The following ARMC9 variants were observed in gnomAD, a reference collection of about 807,000 sequenced individuals.
ARMC9 encodes lisH domain-containing protein ARMC9.
A neutral mutation model predicts 107.0 loss-of-function variants in ARMC9; 94 were observed. The observed-to-expected ratio is 0.88, with a 90% CI of 0.74 to 1.04. The LOEUF is 1.04. ARMC9 is among the 50% of genes least tolerant of loss of function. The pLI is 0.00. For synonymous variants in ARMC9, 380 were observed against 396.9 expected (o/e 0.96, Z 0.51); for missense variants, 942 against 1,030.1 (o/e 0.91, Z 1.17).
intron 23 of ARMC9, among the ~76,000 whole-genome samples, chr2:231,364,803 A>C (rs1216528630): frequency 6.6e-6 from 1 of 152,108 alleles, no homozygotes; most frequent in Non-Finnish European, 1.5e-5. Context: ...ATTTCAAAAA[A>C]AAAAAAGAAA....
chr2:231,317,979 A>G (rs1049489472), intron 19 of ARMC9, among the ~76,000 whole-genome samples: 1 of 150,048 alleles, frequency 6.7e-6, no homozygotes, highest in Non-Finnish European at 1.5e-5. Flanking sequence ...TTTCTACTAA[A>G]TCTAACATCT....
chr2:231,245,795 G>C (rs1482443462), intron 9 of ARMC9, among the ~76,000 whole-genome samples: 1 of 152,184 alleles, frequency 6.6e-6, no homozygotes, highest in African/African-American at 2.4e-5. Context: ...AAGAGCAGTT[G>C]AAAGTGCCTT....
intron 23 of ARMC9, among the ~76,000 whole-genome samples, chr2:231,367,785 C>A (rs958158756): frequency 4.6e-5 from 7 of 151,924 alleles, no homozygotes; most frequent in Non-Finnish European, 1.0e-4. Context: ...GAGTTTGAGA[C>A]CAGCCTGGCC....
chr2:231,234,058 A>C (rs2035490053), intron 7 of ARMC9, among the ~76,000 whole-genome samples: 1 of 152,216 alleles, frequency 6.6e-6, no homozygotes, highest in South Asian at 2.1e-4. Context: ...ATTTGAGCCC[A>C]GGTCTTTATA....
intron 20 of ARMC9, among the ~76,000 whole-genome samples, chr2:231,333,657 A>G (rs1273072077): frequency 6.6e-6 from 1 of 152,144 alleles, no homozygotes; most frequent in Non-Finnish European, 1.5e-5. Flanking sequence ...GATTGGTTTC[A>G]CAGGCAGGCG....
At chr2:231,228,964 C>G (rs1385662011) in intron 7 of ARMC9, among the ~76,000 whole-genome samples, 1 of 152,022 alleles carries the variant, frequency 6.6e-6, no homozygotes, top group East Asian at 1.9e-4. Flanking sequence ...TTTTGCAGAT[C>G]AAATAAACAT....
At position 231,360,637 on chromosome 2, in the gene ARMC9, C is replaced by G; in HGVS notation, c.2132-117C>G. ...CCCAAGCCACAGGCGCCAGGGAGCC[C>G]GCAGGGCCTGGCCTGGGGTGCGTGC... On this transcript the variant is annotated intron_variant, in intron 22 of 24. Coordinates refer to ENST00000611582, the MANE Select transcript of ARMC9 (RefSeq NM_001352754.2). The surrounding 1 kb of genome is among the most constrained non-coding windows in gnomAD (Gnocchi z 4.7). The G allele has an allele frequency of 6.7e-7, 1 of 1,486,714 alleles. No homozygotes were observed. The allele number at this position is 1,486,714 out of a possible 1,614,324, so 92.1% of individuals were successfully genotyped here.
chr2:231,279,675 T>C (rs1392565589), intron 16 of ARMC9, among the ~76,000 whole-genome samples: 2 of 151,962 alleles, frequency 1.3e-5, no homozygotes, highest in Non-Finnish European at 2.9e-5. Flanking sequence ...TACGTCTGGC[T>C]AATTTTTTGT....
intron 3 of ARMC9, among the ~76,000 whole-genome samples, chr2:231,211,160 C>A (rs6437006): frequency 0.012 from 1,655 of 137,164 alleles, 14 homozygotes; most frequent in African/African-American, 0.037. Flanking sequence ...ACACACACAC[C>A]CCCACAGTTT....
intron 21 of ARMC9, among the ~76,000 whole-genome samples, chr2:231,355,333 C>T (rs2045294569): frequency 6.6e-6 from 1 of 152,178 alleles, no homozygotes; most frequent in South Asian, 2.1e-4. Context: ...GAGTGAGACC[C>T]TGTCTCTAAG....
intron 23 of ARMC9, among the ~76,000 whole-genome samples, chr2:231,363,042 C>T (rs1253400089): frequency 6.6e-6 from 1 of 152,048 alleles, no homozygotes; most frequent in African/African-American, 2.4e-5. Context: ...ACGGGGAATG[C>T]AGGGCTGCAG....
At position 231,235,253 on chromosome 2, in the gene ARMC9, G is replaced by A; in HGVS notation, c.652G>A (p.Val218Ile). Reference protein sequence around the residue: ...EILQQLHQQLVEAERRSVTYL... With the variant: ...EILQQLHQQLIEAERRSVTYL... ...CTTGCAGCAGCTCCACCAGCAGCTGGTTGAAGCTGAACGTAGGTCAGTGAC... is the reference window on the plus strand; with the variant it reads ...CTTGCAGCAGCTCCACCAGCAGCTGATTGAAGCTGAACGTAGGTCAGTGAC... Residue 218 changes from valine (V) to isoleucine (I), a missense_variant, in exon 8 of 25, where the codon GTT (valine) becomes ATT (isoleucine). Coordinates refer to ENST00000611582, the MANE Select transcript of ARMC9 (RefSeq NM_001352754.2). The A allele has an allele frequency of 1.9e-6, 3 of 1,613,652 alleles. No homozygotes were observed. Among genetic ancestry groups the A allele is most frequent in the South Asian group, 2.2e-5 (2 of 90,846 alleles).
chr2:231,364,797 CA>C (rs5839398), intron 23 of ARMC9, among the ~76,000 whole-genome samples: 26,280 of 143,058 alleles, frequency 0.18, 5,532 homozygotes, highest in African/African-American at 0.51. Flanking sequence ...GATTTCATTT[CA>C]AAAAAAAAAA....
intron 19 of ARMC9, among the ~76,000 whole-genome samples, chr2:231,315,183 A>G (rs1285240264): frequency 4.0e-5 from 6 of 150,456 alleles, no homozygotes; most frequent in Admixed American, 1.3e-4. Flanking sequence ...AAGTTGCAGT[A>G]AGCCAAGATC....
At chr2:231,239,882 C>A in intron 8 of ARMC9, 61 bp from the exon 9 acceptor site, 1 of 1,421,654 alleles carries the variant, frequency 7.0e-7, no homozygotes, top group East Asian at 2.3e-5. Context: ...TGCCAGCGTG[C>A]CTCAGGTGTC....
At chr2:231,354,881 A>G (rs766685165) in intron 21 of ARMC9, among the ~76,000 whole-genome samples, 6 of 152,214 alleles carry the variant, frequency 3.9e-5, no homozygotes, top group Admixed American at 6.5e-5. Context: ...GGTTGACCCA[A>G]TGAGGCTGTC....
intron 6 of ARMC9, among the ~76,000 whole-genome samples, chr2:231,226,099 C>G (rs1045405884): frequency 6.6e-6 from 1 of 152,202 alleles, no homozygotes; most frequent in Non-Finnish European, 1.5e-5. Flanking sequence ...TCAGGTAATC[C>G]ACCCGCCTCA....
At chr2:231,309,187 C>T (rs986664741) in intron 19 of ARMC9, among the ~76,000 whole-genome samples, 2 of 152,230 alleles carry the variant, frequency 1.3e-5, no homozygotes, top group Non-Finnish European at 2.9e-5. Flanking sequence ...CTCATGGCTC[C>T]TGCCCTCATT....
chr2:231,238,550 A>G (rs1338313558), intron 8 of ARMC9, among the ~76,000 whole-genome samples: 1 of 152,116 alleles, frequency 6.6e-6, no homozygotes, highest in Non-Finnish European at 1.5e-5. Flanking sequence ...ATGGTATTTC[A>G]CTATGTTACC....
Sources: gnomAD v4.1 joint callset for allele counts (sites outside exome capture counted in the v4.1 genomes callset) on GRCh38, gnomAD v4.1.1 for gene constraint, Gnocchi (gnomAD v3.1) non-coding constraint, MANE v1.5 for transcripts, NCBI Gene and HGNC (gene_info 2026-07-23, HGNC 2026-07-21) for gene names.